ATRX: variants seen among roughly 807,000 people sequenced by gnomAD.
The protein encoded by ATRX is ATRX chromatin remodeler.
ATRX carries 12 observed loss-of-function variants against 172.6 expected under a neutral mutation model. That is an observed-to-expected ratio of 0.07 (90% CI 0.04 to 0.11). ATRX has a LOEUF of 0.11. ATRX is among the 10% of genes least tolerant of loss of function. ATRX has a pLI of 1.00. For synonymous variants in ATRX, 674 were observed against 594.7 expected, an observed-to-expected ratio of 1.13 and a Z score of -1.94; for missense variants, 1,368 against 1,767.4, an observed-to-expected ratio of 0.77 and a Z score of 4.05.
intron 15 of ATRX, among the ~76,000 whole-genome samples, chrX:77,645,358 T>C (rs1488222377): frequency 1.8e-5 from 2 of 111,461 alleles, no homozygotes; most frequent in Non-Finnish European, 3.8e-5. Flanking sequence ...AGTCTGGTCT[T>C]AAGCTCCTGG....
chrX:77,781,129 G>A (rs2076553112), intron 1 of ATRX, among the ~76,000 whole-genome samples: 1 of 110,244 alleles, frequency 9.1e-6, no homozygotes, highest in African/African-American at 3.3e-5. Context: ...CCATTTAGTC[G>A]CAGCACCTCT....
chrX:77,568,898 A>G (rs1387356699), intron 28 of ATRX, among the ~76,000 whole-genome samples: 1 of 111,881 alleles, frequency 8.9e-6, no homozygotes, highest in East Asian at 2.8e-4. Flanking sequence ...TCAAATGTAA[A>G]CACCTATTCG....
chrX:77,646,852 G>A (rs896431061), intron 15 of ATRX, among the ~76,000 whole-genome samples: 1 of 108,802 alleles, frequency 9.2e-6, no homozygotes, highest in African/African-American at 3.4e-5. Context: ...GAGCCCAGGA[G>A]TTCGAGGCTA....
At chrX:77,522,707 G>A (rs782628187) in intron 31 of ATRX, among the ~76,000 whole-genome samples, 2 of 111,838 alleles carry the variant, frequency 1.8e-5, no homozygotes, top group East Asian at 5.6e-4. Flanking sequence ...AAGGATTCAG[G>A]TATTAGGATA....
intron 9 of ATRX, among the ~76,000 whole-genome samples, chrX:77,679,720 A>G (rs958020945): frequency 4.5e-4 from 50 of 111,995 alleles, no homozygotes; most frequent in African/African-American, 1.4e-3. Flanking sequence ...CCAATTTTCC[A>G]AAGTTTAAAA....
intron 22 of ATRX, among the ~76,000 whole-genome samples, chrX:77,604,807 A>G (rs782514364): frequency 8.9e-6 from 1 of 112,759 alleles, no homozygotes; most frequent in South Asian, 3.7e-4. Flanking sequence ...ACAGTGGAAT[A>G]CTATTTGGCC....
At chrX:77,723,152 A>T (rs1315042075) in intron 1 of ATRX, among the ~76,000 whole-genome samples, 7 of 111,272 alleles carry the variant, frequency 6.3e-5, no homozygotes, top group Non-Finnish European at 1.3e-4. Context: ...GAACACATGG[A>T]CACAGGGAGG....
intron 22 of ATRX, among the ~76,000 whole-genome samples, chrX:77,602,324 G>T (rs1557087621): frequency 9.0e-6 from 1 of 110,711 alleles, no homozygotes; most frequent in African/African-American, 3.3e-5. Flanking sequence ...TTTTAGCTGT[G>T]CCTTTTTTTT....
chrX:77,724,315 T>C (rs2073929793), intron 1 of ATRX, among the ~76,000 whole-genome samples: 1 of 101,112 alleles, frequency 9.9e-6, no homozygotes, highest in Admixed American at 1.1e-4. Flanking sequence ...TGGACAGAAG[T>C]CCAACAGTGG....
At chrX:77,748,100 G>C (rs782649824) in intron 1 of ATRX, among the ~76,000 whole-genome samples, 21 of 111,543 alleles carry the variant, frequency 1.9e-4, no homozygotes, top group Admixed American at 1.3e-3. Context: ...CAAATCATTA[G>C]AGTAATCATT....
chrX:77,783,229 T>C (rs2076626461), intron 1 of ATRX, among the ~76,000 whole-genome samples: 1 of 111,625 alleles, frequency 9.0e-6, no homozygotes, highest in Non-Finnish European at 1.9e-5. Context: ...AGTGAGACTC[T>C]GTCTCAAAAA....
chrX:77,733,875 C>T (rs1178642245), intron 1 of ATRX, among the ~76,000 whole-genome samples: 2 of 105,562 alleles, frequency 1.9e-5, no homozygotes, highest in African/African-American at 7.0e-5. Flanking sequence ...CACAGTGAGA[C>T]TCACTCTCAG....
chrX:77,586,399 T>C (rs1468581113), intron 27 of ATRX, among the ~76,000 whole-genome samples: 3 of 111,760 alleles, frequency 2.7e-5, no homozygotes, highest in African/African-American at 9.8e-5. Flanking sequence ...GTGAAGAAGA[T>C]AGTGCGGGTG....
At chrX:77,513,302 G>A (rs2062939678) in intron 34 of ATRX, among the ~76,000 whole-genome samples, 1 of 85,727 alleles carries the variant, frequency 1.2e-5, no homozygotes, top group African/African-American at 4.3e-5. Flanking sequence ...GGGCGACAGA[G>A]CGAGACTCCG....
chrX:77,522,212 T>C (rs370862603), intron 32 of ATRX, 51 bp downstream of exon 32: 55 of 1,203,323 alleles, frequency 4.6e-5, no homozygotes, highest in Admixed American at 8.8e-5. Flanking sequence ...AACAAGGCAC[T>C]TGAAATTGCC....
intron 12 of ATRX, among the ~76,000 whole-genome samples, chrX:77,658,560 C>T (rs1557120931): frequency 8.9e-6 from 1 of 112,374 alleles, no homozygotes; most frequent in Non-Finnish European, 1.9e-5. Context: ...GGTCATAAAA[C>T]ATTTTATGTA....
Position 77,505,315 on chromosome X carries a change from A to G in ATRX, c.*3036T>C, listed in dbSNP as rs2062688039. Reference sequence around the variant, plus strand: ...AAATGAACATAGCTAAGGGAAGGCTACAAAATATTCAGCTCATTTGGAGGC... The same window carrying G: ...AAATGAACATAGCTAAGGGAAGGCTGCAAAATATTCAGCTCATTTGGAGGC... On this transcript the variant is annotated 3_prime_UTR_variant, in exon 35 of 35. Coordinates refer to ENST00000373344, the MANE Select transcript of ATRX (RefSeq NM_000489.6). 1 of 174,721 alleles carries G rather than the reference A, an allele frequency of 5.7e-6. No homozygotes were observed. The highest frequency in any genetic ancestry group is 1.1e-5 in the Non-Finnish European group (1 of 91,057). The allele number at this position is 174,721 out of a possible 1,213,427, so 14.4% of individuals were successfully genotyped here. A position where few individuals can be genotyped will look rare whatever the true frequency, so the allele number is the denominator to read the frequency against.
At chrX:77,735,834 A>AAATAAAT (rs200234050) in intron 1 of ATRX, among the ~76,000 whole-genome samples, 5 of 96,607 alleles carry the variant, frequency 5.2e-5, no homozygotes, top group Admixed American at 1.1e-4. Flanking sequence ...ATAAATAAAT[A>AAATAAAT]AAAATAAATA....
At chrX:77,639,712 A>G (rs781840093) in intron 15 of ATRX, among the ~76,000 whole-genome samples, 12 of 112,364 alleles carry the variant, frequency 1.1e-4, no homozygotes, top group African/African-American at 3.9e-4. Flanking sequence ...GTGTATCTTC[A>G]TCCTAAATGT....
Sources: gnomAD v4.1 joint callset for allele counts (sites outside exome capture counted in the v4.1 genomes callset) on GRCh38, gnomAD v4.1.1 for gene constraint, MANE v1.5 for transcripts, NCBI Gene and HGNC (gene_info 2026-07-23, HGNC 2026-07-21) for gene names.